Variants in EPB41L4B observed in about 807,000 individuals in gnomAD.
EPB41L4B encodes the protein erythrocyte membrane protein band 4.1 like 4B, also known as band 4.1-like protein 4B.
A neutral mutation model predicts 112.5 loss-of-function variants in EPB41L4B; 30 were observed. The ratio of observed to expected loss-of-function variants is 0.27; its 90% CI spans 0.20 to 0.36. EPB41L4B has a LOEUF of 0.36. Among genes scored for constraint, EPB41L4B ranks in the 10% least tolerant of loss-of-function variants. The probability of loss-of-function intolerance (pLI) is 1.00; values close to 1 mark genes in which losing one functional copy is unlikely to be tolerated. For missense variants in EPB41L4B, 1,024 were observed against 1,133.3 expected (o/e 0.90, Z 1.38); for synonymous variants, 408 against 439.7 (o/e 0.93, Z 0.90).
At chr9:109,251,563 C>G in intron 12 of EPB41L4B, 52 bp from the exon 13 acceptor site, 2 of 1,540,204 alleles carry the variant, frequency 1.3e-6, no homozygotes, top group Non-Finnish European at 1.8e-6. Context: ...TTATCGCTTT[C>G]ACCATGCAAT....
intron 15 of EPB41L4B, among the ~76,000 whole-genome samples, chr9:109,236,615 AT>A (rs1036174674): frequency 2.0e-5 from 3 of 152,176 alleles, no homozygotes; most frequent in Non-Finnish European, 4.4e-5. Flanking sequence ...CACAATCCAC[AT>A]TTTTAGTAAG....
intron 15 of EPB41L4B, among the ~76,000 whole-genome samples, chr9:109,222,883 T>C (rs780243430): frequency 6.6e-6 from 1 of 152,168 alleles, no homozygotes; most frequent in Non-Finnish European, 1.5e-5. Flanking sequence ...TGTTAGTAAA[T>C]GCAGAGTGAG....
intron 16 of EPB41L4B, among the ~76,000 whole-genome samples, chr9:109,216,498 G>C (rs1487536374): frequency 6.6e-6 from 1 of 151,990 alleles, no homozygotes; most frequent in East Asian, 1.9e-4. Context: ...AAAATTAGTT[G>C]GGTGTGGTGG....
intron 17 of EPB41L4B, among the ~76,000 whole-genome samples, chr9:109,211,149 G>A (rs1833151362): frequency 6.6e-6 from 1 of 152,136 alleles, no homozygotes. Flanking sequence ...AACCTTAGAA[G>A]AATCAGAGGA....
chr9:109,233,093 G>A (rs1480366045), intron 15 of EPB41L4B, among the ~76,000 whole-genome samples: 1 of 152,094 alleles, frequency 6.6e-6, no homozygotes, highest in Non-Finnish European at 1.5e-5. Context: ...AGTAGGGGAC[G>A]ATTAGGAGGT....
chr9:109,175,468 A>AACACACACACACACACAC lies in EPB41L4B; in HGVS notation c.2634-863_2634-846dup, dbSNP rs59210551. On this transcript the variant is annotated intron_variant, in intron 25 of 25. Transcript: ENST00000374566. ...CTATGTAACCTGTCTCCACTGTTTAAACACACACACACACACACACACACA... is the reference window on the plus strand; with the variant it reads ...CTATGTAACCTGTCTCCACTGTTTAAACACACACACACACACACACACACACACACACACACACACACA... 1.7e-4 allele frequency among the ~76,000 whole-genome samples: 22 copies of AACACACACACACACACAC among 129,406 alleles called. No homozygotes were observed. In the East Asian group the frequency reaches 2.1e-3, roughly 12 times the overall value. 84.9% of individuals were successfully genotyped at this position (129,406 alleles called of 152,430 possible). A position where few individuals can be genotyped will look rare whatever the true frequency, so the allele number is the denominator to read the frequency against.
At chr9:109,260,290 A>C (rs1835149221) in intron 6 of EPB41L4B, among the ~76,000 whole-genome samples, 1 of 151,884 alleles carries the variant, frequency 6.6e-6, no homozygotes, top group African/African-American at 2.4e-5. Flanking sequence ...AGCTGGTCTC[A>C]AACTCCTGGG....
intron 15 of EPB41L4B, among the ~76,000 whole-genome samples, chr9:109,224,216 G>A (rs183684885): frequency 6.6e-6 from 1 of 152,096 alleles, no homozygotes; most frequent in Non-Finnish European, 1.5e-5. Context: ...ATGAAAACAG[G>A]TCCATGCAAA....
At chr9:109,301,213 C>T (rs1836954077) in intron 1 of EPB41L4B, 2 of 152,216 alleles carry the variant, frequency 1.3e-5, no homozygotes, top group African/African-American at 4.8e-5. Flanking sequence ...AAGGAGGAAT[C>T]AACAAAGATT....
At chr9:109,315,160 C>G (rs1464685195) in intron 1 of EPB41L4B, among the ~76,000 whole-genome samples, 1 of 152,154 alleles carries the variant, frequency 6.6e-6, no homozygotes, top group Non-Finnish European at 1.5e-5. Flanking sequence ...ACTGCCAACC[C>G]CCCTACCATT....
intron 13 of EPB41L4B, among the ~76,000 whole-genome samples, chr9:109,250,922 G>A (rs1232363864): frequency 6.6e-6 from 1 of 152,234 alleles, no homozygotes; most frequent in African/African-American, 2.4e-5. Context: ...GCAGAGGTGA[G>A]TAGCTGTGAA....
intron 15 of EPB41L4B, among the ~76,000 whole-genome samples, chr9:109,229,432 G>A (rs151162400): frequency 2.0e-3 from 306 of 152,278 alleles, no homozygotes; most frequent in Middle Eastern, 6.8e-3. Flanking sequence ...ATCCAAAGTC[G>A]CATACATCTC....
rs3983533 is a variant in EPB41L4B at position 109,318,150 on chromosome 9, C to CGTGT, written c.306+1987_306+1990dup. ...TCTGCCTGTGGACAGGGGGCATATACGTGTGTGTGTGTGTGTGTGTGTGTG... is the reference window on the plus strand; with the variant it reads ...TCTGCCTGTGGACAGGGGGCATATACGTGTGTGTGTGTGTGTGTGTGTGTGTGTG... On this transcript the variant is annotated intron_variant, in intron 1 of 25. Coordinates refer to ENST00000374566, the MANE Select transcript of EPB41L4B (RefSeq NM_019114.5). Among the ~76,000 whole-genome samples, 927 of 149,584 alleles carry CGTGT rather than the reference C, an allele frequency of 6.2e-3. 10 individuals are homozygous for CGTGT. Among genetic ancestry groups the CGTGT allele is most frequent in the African/African-American group, 0.017 (691 of 40,810 alleles).
chr9:109,221,687 A>T (rs1833577682), intron 15 of EPB41L4B, among the ~76,000 whole-genome samples: 1 of 152,226 alleles, frequency 6.6e-6, no homozygotes, highest in South Asian at 2.1e-4. Flanking sequence ...ATAGAAAAAA[A>T]GAGGTGGCAA....
chr9:109,233,919 T>C (rs573746500), intron 15 of EPB41L4B, among the ~76,000 whole-genome samples: 6 of 152,324 alleles, frequency 3.9e-5, no homozygotes, highest in South Asian at 2.1e-4. Flanking sequence ...TAAGATGACA[T>C]GGTTAATTGT....
intron 22 of EPB41L4B, among the ~76,000 whole-genome samples, chr9:109,191,533 T>C (rs1832461305): frequency 6.6e-6 from 1 of 152,178 alleles, no homozygotes; most frequent in Non-Finnish European, 1.5e-5. Flanking sequence ...TTGGCAGGCA[T>C]TGCCCCTCAG....
chr9:109,313,436 G>A (rs534197363), intron 1 of EPB41L4B, among the ~76,000 whole-genome samples: 73 of 152,320 alleles, frequency 4.8e-4, no homozygotes, highest in Admixed American at 7.8e-4. Context: ...GGTGGTGGGG[G>A]GGCACACCAG....
At position 109,217,116 on chromosome 9, in the gene EPB41L4B, C is replaced by G; in HGVS notation, c.1439G>C (p.Ser480Thr). 6.2e-7 allele frequency: 1 copy of G among 1,614,098 alleles called. No homozygotes were observed. The highest frequency in any genetic ancestry group is 8.5e-7 in the Non-Finnish European group (1 of 1,180,038). The change falls in exon 16 of 26, where the codon AGC becomes ACC. Residue 480 changes from serine (S) to threonine (T), a missense_variant. By Grantham distance (58) the Ser-to-Thr change is moderately conservative. Transcript: ENST00000374566. ...AATGCCAAAAGGCAACCGGTCCGAGCTGCTAAGCACTGGGGAAGGGAGCGG... is the reference window on the plus strand; with the variant it reads ...AATGCCAAAAGGCAACCGGTCCGAGGTGCTAAGCACTGGGGAAGGGAGCGG... The part of the protein sequence containing the change: ...SYPLPSPVLS[S>T]SDRLPFGIEE...
At chr9:109,316,451 C>T (rs1207915844) in intron 1 of EPB41L4B, among the ~76,000 whole-genome samples, 2 of 152,314 alleles carry the variant, frequency 1.3e-5, no homozygotes, top group African/African-American at 2.4e-5. Context: ...ACAGTGGGTG[C>T]CGCTGCCAAG....
Sources: gnomAD v4.1 joint callset for allele counts (sites outside exome capture counted in the v4.1 genomes callset) on GRCh38, gnomAD v4.1.1 for gene constraint, MANE v1.5 for transcripts, NCBI Gene and HGNC (gene_info 2026-07-23, HGNC 2026-07-21) for gene names.